AGBL2: variants seen among roughly 807,000 people sequenced by gnomAD.
AGBL2 encodes cytosolic carboxypeptidase 2.
Under a neutral mutation model 103.0 loss-of-function variants are expected in AGBL2, and 87 were observed. That is an observed-to-expected ratio of 0.84 (90% confidence interval 0.71 to 1.01). The LOEUF is 1.01. Ranked by LOEUF, AGBL2 falls within the 50% of genes least tolerant of loss-of-function variation. AGBL2 has a pLI of 0.00. For missense variants in AGBL2, 904 were observed against 1,023.5 expected, an observed-to-expected ratio of 0.88 and a Z score of 1.59; for synonymous variants, 335 against 356.7, an observed-to-expected ratio of 0.94 and a Z score of 0.69.
rs547861366 is a variant in AGBL2 at position 47,667,435 on chromosome 11, C to A, written c.2340+136G>T. 1.7e-5 allele frequency: 20 copies of A among 1,169,602 alleles called. 1 individual carries two copies. The South Asian group carries it at 2.1e-4, about 13-fold the overall frequency. 72.5% of individuals were successfully genotyped at this position (1,169,602 alleles called of 1,614,324 possible). A position where few individuals can be genotyped will look rare whatever the true frequency, so the allele number is the denominator to read the frequency against. The stretch of plus-strand genomic sequence containing the variant: ...GGAGGGCCCCTGGAAGGGTTCTGAT[C>A]GCAAAACAGAAAGTCTCCCTCTGCC... On this transcript the variant is annotated intron_variant, in intron 16 of 18. Coordinates refer to ENST00000525123, the MANE Select transcript of AGBL2 (RefSeq NM_024783.4).
At chr11:47,675,026 G>T (rs1037686254) in intron 14 of AGBL2, among the ~76,000 whole-genome samples, 1 of 151,540 alleles carries the variant, frequency 6.6e-6, no homozygotes, top group Non-Finnish European at 1.5e-5. Context: ...GAGCCACCGC[G>T]CCTGATTTAG....
rs2097440246 is a variant in AGBL2, at chr11:47,690,430, C to A, written c.1277G>T (p.Cys426Phe). 2.5e-6 allele frequency: 4 copies of A among 1,614,134 alleles called. No individual in the cohort carries two copies. Among genetic ancestry groups the A allele is most frequent in the Non-Finnish European group, 3.4e-6 (4 of 1,180,030 alleles). ...QSQFCKLQTL[C>F]RSLAGNTVYL... ...AACGGTATTTCCTGCTAGGCTCCTG[C>A]ATAAAGTTTGGAGCTTGCAGAACTG... Residue 426 changes from cysteine to phenylalanine, a missense_variant, in exon 10 of 19, where the codon TGC becomes TTC. By Grantham distance (205) the Cys-to-Phe change is radical. Transcript: ENST00000525123.
intron 3 of AGBL2, among the ~76,000 whole-genome samples, chr11:47,713,301 G>A (rs191781408): frequency 1.6e-3 from 230 of 147,976 alleles, no homozygotes; most frequent in Middle Eastern, 0.014. Flanking sequence ...CCGAGATTGC[G>A]CCATTGCATT....
At chr11:47,673,715 AC>A (rs1187115486) in intron 14 of AGBL2, among the ~76,000 whole-genome samples, 1 of 143,252 alleles carries the variant, frequency 7.0e-6, no homozygotes, top group African/African-American at 2.6e-5. Flanking sequence ...AATTGCTTGA[AC>A]CCGGGAAGCG....
chr11:47,694,997 A>T (rs1468348146), intron 8 of AGBL2, among the ~76,000 whole-genome samples: 1 of 151,638 alleles, frequency 6.6e-6, no homozygotes, highest in Non-Finnish European at 1.5e-5. Context: ...AAAAAGATAA[A>T]AAATTAGCCA....
intron 10 of AGBL2, among the ~76,000 whole-genome samples, chr11:47,687,514 AATGT>A (rs895297617): frequency 5.9e-5 from 9 of 151,794 alleles, no homozygotes; most frequent in African/African-American, 2.2e-4. Flanking sequence ...ATATTCAATA[AATGT>A]ATGTGAAATT....
intron 9 of AGBL2, among the ~76,000 whole-genome samples, chr11:47,691,516 G>T (rs1028100867): frequency 3.4e-5 from 5 of 148,654 alleles, no homozygotes; most frequent in Non-Finnish European, 1.5e-5. Flanking sequence ...GACCATCCTG[G>T]CTAACATGGT....
chr11:47,673,909 G>A (rs1300042598), intron 14 of AGBL2, among the ~76,000 whole-genome samples: 2 of 150,064 alleles, frequency 1.3e-5, no homozygotes, highest in African/African-American at 4.9e-5. Context: ...TGACCAGCCT[G>A]GCCAACATGG....
At chr11:47,677,836 T>C (rs984107680) in intron 13 of AGBL2, among the ~76,000 whole-genome samples, 1 of 152,184 alleles carries the variant, frequency 6.6e-6, no homozygotes, top group Non-Finnish European at 1.5e-5. Flanking sequence ...ATGAATAACC[T>C]GCACCCCTGC....
intron 4 of AGBL2, among the ~76,000 whole-genome samples, chr11:47,707,744 C>T (rs538427013): frequency 7.9e-5 from 12 of 152,172 alleles, no homozygotes; most frequent in Admixed American, 2.6e-4. Context: ...ACCTACACTA[C>T]GTATAAGTTT....
rs192558333 is a variant in AGBL2 at position 47,667,670 on chromosome 11, C to G, written c.2241G>C (p.Lys747Asn). ...DELTQKKKMF[K>N]KKKKKSLQTR... is the part of the protein sequence containing the mutation. Reference sequence around the variant, plus strand: ...TCTGAAGTGACTTCTTTTTTTTCTTCTTAAACATCTTCTTTTTCTGAGTCA... The same window carrying G: ...TCTGAAGTGACTTCTTTTTTTTCTTGTTAAACATCTTCTTTTTCTGAGTCA... The change falls in exon 16 of 19, where the codon AAG (lysine) becomes AAC (asparagine). Residue 747 changes from lysine (K) to asparagine (N), a missense_variant. Coordinates refer to ENST00000525123, the MANE Select transcript of AGBL2 (RefSeq NM_024783.4). The G allele has an allele frequency of 3.4e-5, 54 of 1,611,266 alleles. No homozygotes were observed. The African/African-American group carries it at 5.8e-4, about 17-fold the overall frequency.
At chr11:47,668,776 TTGTC>T (rs1179130102) in intron 15 of AGBL2, 61 bp downstream of exon 15, 1 of 1,266,068 alleles carries the variant, frequency 7.9e-7, no homozygotes, top group Non-Finnish European at 1.2e-6. Context: ...TTCCAACAAA[TTGTC>T]TGGTAGTGTC....
chr11:47,692,497 C>T (rs957074810), intron 8 of AGBL2, among the ~76,000 whole-genome samples: 3 of 147,426 alleles, frequency 2.0e-5, no homozygotes, highest in East Asian at 2.0e-4. Flanking sequence ...CTGCAAGCTC[C>T]GCCTCCCAGG....
rs989807441 is a variant in AGBL2, at chr11:47,689,967, A to G, written c.1631+109T>C. 4.1e-6 allele frequency: 4 copies of G among 973,012 alleles called. No individual in the cohort carries two copies. In the African/African-American group the frequency reaches 5.0e-5, roughly 12 times the overall value. The allele number at this position is 973,012 out of a possible 1,614,324, so 60.3% of individuals were successfully genotyped here. On this transcript the variant is annotated intron_variant, in intron 10 of 18. Coordinates refer to ENST00000525123, the MANE Select transcript of AGBL2 (RefSeq NM_024783.4). ...TGGTAAGGGCTCTGTCTCCAAAGTCATACTCAATTCCTTTAACAACAGAAG... is the reference window on the plus strand; with the variant it reads ...TGGTAAGGGCTCTGTCTCCAAAGTCGTACTCAATTCCTTTAACAACAGAAG...
At position 47,701,436 on chromosome 11, in the gene AGBL2, C is replaced by G. The variant is rs866264693; in HGVS notation, c.587-1883G>C. On this transcript the variant is annotated intron_variant, in intron 7 of 18. Coordinates refer to ENST00000525123, the MANE Select transcript of AGBL2 (RefSeq NM_024783.4). ...AGTGAGCCGAGATTGTGCCATTGCACTCCAGACTGGGCGACAGAGCAAGAC... is the reference window on the plus strand; with the variant it reads ...AGTGAGCCGAGATTGTGCCATTGCAGTCCAGACTGGGCGACAGAGCAAGAC... Among the ~76,000 whole-genome samples the G allele has an allele frequency of 3.3e-4, 49 of 148,824 alleles. 2 individuals are homozygous for G. Among genetic ancestry groups the G allele is most frequent in the Admixed American group, 1.9e-3 (28 of 14,820 alleles).
chr11:47,669,701 T>G (rs540719180), intron 14 of AGBL2, among the ~76,000 whole-genome samples: 1 of 152,086 alleles, frequency 6.6e-6, no homozygotes, highest in East Asian at 1.9e-4. Context: ...AAGAAAAATT[T>G]TTTTTTGAGA....
intron 8 of AGBL2, 66 bp from the exon 9 acceptor site, chr11:47,692,322 G>A: frequency 7.2e-7 from 1 of 1,389,476 alleles, no homozygotes; most frequent in Non-Finnish European, 1.0e-6. Context: ...AAATACTTAA[G>A]TGGCCCCTCT....
Position 47,686,038 on chromosome 11 carries a change from T to G in AGBL2, c.1643A>C (p.Glu548Ala). The G allele has an allele frequency of 6.2e-7, 1 of 1,613,894 alleles. No individual in the cohort carries two copies. The highest frequency in any genetic ancestry group is 1.1e-5 in the South Asian group (1 of 90,984). ...ATCACAATACAACAGAACCTCTCTT[T>G]CTTCAAGAAGTCTATTGAGGGGGCA... ...TRNMIKRLLE[E>A]REVLLYCDFH... The change falls in exon 11 of 19, where the codon GAA becomes GCA. Residue 548 changes from glutamate to alanine, a missense_variant. Transcript: ENST00000525123.
chr11:47,686,683 G>A (rs2097425009), intron 10 of AGBL2, among the ~76,000 whole-genome samples: 1 of 151,564 alleles, frequency 6.6e-6, no homozygotes, highest in South Asian at 2.1e-4. Flanking sequence ...GACACTGGCC[G>A]GGCACGGTGG....
Sources: gnomAD v4.1 joint callset for allele counts (sites outside exome capture counted in the v4.1 genomes callset) on GRCh38, gnomAD v4.1.1 for gene constraint, MANE v1.5 for transcripts, NCBI Gene and HGNC (gene_info 2026-07-23, HGNC 2026-07-21) for gene names.